RIMS2: variants seen among roughly 807,000 people sequenced by gnomAD.
RIMS2 encodes the protein regulating synaptic membrane exocytosis 2.
A neutral mutation model predicts 174.4 loss-of-function variants in RIMS2; 59 were observed. The observed-to-expected ratio is 0.34, with a 90% CI of 0.27 to 0.42. RIMS2 has a LOEUF of 0.42. Ranked by LOEUF, RIMS2 falls within the 10% of genes least tolerant of loss-of-function variation. The pLI is 1.00. For synonymous variants in RIMS2, 606 were observed against 572.5 expected, an observed-to-expected ratio of 1.06 and a Z score of -0.84; for missense variants, 1,620 against 1,666.3, an observed-to-expected ratio of 0.97 and a Z score of 0.48.
At chr8:103,614,542 T>A (rs904324194) in intron 1 of RIMS2, among the ~76,000 whole-genome samples, 2 of 152,384 alleles carry the variant, frequency 1.3e-5, no homozygotes, top group South Asian at 2.1e-4. Context: ...TGCTTTTGTG[T>A]GTGCCGATCA....
intron 3 of RIMS2, among the ~76,000 whole-genome samples, chr8:103,869,152 A>T (rs1296269038): frequency 6.6e-6 from 1 of 151,378 alleles, no homozygotes; most frequent in African/African-American, 2.4e-5. Flanking sequence ...GAGCCTGAAG[A>T]GCTACTGTTG....
chr8:103,537,372 T>C (rs2131120737), intron 1 of RIMS2, among the ~76,000 whole-genome samples: 1 of 152,340 alleles, frequency 6.6e-6, no homozygotes, highest in African/African-American at 2.4e-5. Flanking sequence ...AATTGAAAAC[T>C]TAGAATAGTT....
chr8:103,766,658 A>G, intron 3 of RIMS2, 121 bp downstream of exon 6: 2 of 672,276 alleles, frequency 3.0e-6, no homozygotes, highest in South Asian at 1.9e-5. Context: ...AAACATTCAT[A>G]TGTTTTACAT....
At chr8:104,126,054 G>A (rs1243415362) in intron 19 of RIMS2, among the ~76,000 whole-genome samples, 1 of 152,108 alleles carries the variant, frequency 6.6e-6, no homozygotes, top group African/African-American at 2.4e-5. Flanking sequence ...TGTGATTGAG[G>A]CTAGAAGGTG....
At position 104,097,884 on chromosome 8, in the gene RIMS2, T is replaced by G. The variant is rs796525608; in HGVS notation, c.3334+83269T>G. ...TTACTTTTAATGCCATTAATTTTAA[T>G]GGCAGAAGCCACAACTACTTTTACA... On this transcript the variant is annotated intron_variant, in intron 19 of 23. Transcript: ENST00000504942. 2.6e-5 allele frequency among the ~76,000 whole-genome samples: 4 copies of G among 152,144 alleles called. No homozygotes were observed. The East Asian group carries it at 7.7e-4, about 29-fold the overall frequency.
At chr8:103,522,293 T>C (rs1391093499) in intron 1 of RIMS2, among the ~76,000 whole-genome samples, 2 of 152,118 alleles carry the variant, frequency 1.3e-5, no homozygotes, top group Non-Finnish European at 2.9e-5. Context: ...TAGGTTGTCA[T>C]TATAATTAGA....
intron 19 of RIMS2, among the ~76,000 whole-genome samples, chr8:104,056,785 T>G (rs1011765223): frequency 4.6e-5 from 7 of 152,152 alleles, no homozygotes; most frequent in African/African-American, 1.7e-4. Context: ...CTTGCAAGGC[T>G]GAGGCAGGAG....
At position 104,106,786 on chromosome 8, in the gene RIMS2, C is replaced by G. The variant is rs879396558; in HGVS notation, c.3334+92171C>G. Among the ~76,000 whole-genome samples the G allele has an allele frequency of 1.2e-4, 19 of 152,148 alleles. 2 individuals carry two copies. Among genetic ancestry groups the G allele is most frequent in the Admixed American group, 1.0e-3 (16 of 15,278 alleles). On this transcript the variant is annotated intron_variant, in intron 19 of 23. Transcript: ENST00000504942. ...TGTTATTCAAACTAAATGCAGTATT[C>G]TGACCAGTGATTCCCTCATAATCAT...
intron 1 of RIMS2, among the ~76,000 whole-genome samples, chr8:103,540,906 G>C (rs1842285526): frequency 6.6e-6 from 1 of 152,032 alleles, no homozygotes; most frequent in African/African-American, 2.4e-5. Context: ...CAGCAGAGTT[G>C]ATCAAGCAGA....
At chr8:103,626,392 C>G (rs2095787098) in intron 1 of RIMS2, among the ~76,000 whole-genome samples, 1 of 152,084 alleles carries the variant, frequency 6.6e-6, no homozygotes, top group Admixed American at 6.6e-5. Flanking sequence ...AATATACTAG[C>G]AGCAGTCAAG....
chr8:103,696,862 CAAAAAA>C (rs55852238), intron 1 of RIMS2, among the ~76,000 whole-genome samples: 1 of 53,740 alleles, frequency 1.9e-5, no homozygotes, highest in Non-Finnish European at 3.5e-5. Context: ...GACTTCGTCT[CAAAAAA>C]AAAAAAAAAA....
At chr8:104,145,671 C>CAATAAATAAATAAATAAATAAATAAATA (rs61691382) in intron 19 of RIMS2, among the ~76,000 whole-genome samples, 7 of 132,678 alleles carry the variant, frequency 5.3e-5, no homozygotes, top group South Asian at 5.2e-4. Context: ...ACTAAAAATA[C>CAATAAATAAATAAATAAATAAATAAATA]AATAAATAAA....
chr8:103,926,093 G>A (rs2078721386), intron 10 of RIMS2, among the ~76,000 whole-genome samples: 1 of 151,310 alleles, frequency 6.6e-6, no homozygotes, highest in Non-Finnish European at 1.5e-5. Context: ...TGCTTTTAAA[G>A]GATTAATTTA....
intron 3 of RIMS2, among the ~76,000 whole-genome samples, chr8:103,804,374 A>C (rs1011998902): frequency 6.6e-6 from 1 of 152,198 alleles, no homozygotes; most frequent in Non-Finnish European, 1.5e-5. Flanking sequence ...ACTGGATTAC[A>C]CTTTTAAGAA....
intron 4 of RIMS2, among the ~76,000 whole-genome samples, chr8:103,894,184 A>G (rs986118116): frequency 6.6e-6 from 1 of 151,178 alleles, no homozygotes. Flanking sequence ...ATACTGTGGT[A>G]AAGTTATTTC....
At chr8:104,031,578 C>T (rs532719284) in intron 19 of RIMS2, among the ~76,000 whole-genome samples, 1 of 151,984 alleles carries the variant, frequency 6.6e-6, no homozygotes, top group Non-Finnish European at 1.5e-5. Flanking sequence ...GGAAAAATAT[C>T]CCCCAAAATC....
intron 1 of RIMS2, among the ~76,000 whole-genome samples, chr8:103,547,723 T>C (rs1301731572): frequency 6.6e-6 from 1 of 152,212 alleles, no homozygotes; most frequent in African/African-American, 2.4e-5. Flanking sequence ...ATCCAAGAGT[T>C]TGTTTTTTGG....
At chr8:104,086,266 GT>G (rs377670155) in intron 19 of RIMS2, among the ~76,000 whole-genome samples, 8,564 of 112,886 alleles carry the variant, frequency 0.076, 252 homozygotes, top group East Asian at 0.15. Flanking sequence ...GTTCTGGTGG[GT>G]TTTTTTTTTT....
At chr8:104,046,978 A>T (rs190184843) in intron 19 of RIMS2, among the ~76,000 whole-genome samples, 329 of 152,208 alleles carry the variant, frequency 2.2e-3, no homozygotes, top group Non-Finnish European at 3.6e-3. Flanking sequence ...ATATGTACGT[A>T]TAATATAAAA....
Sources: allele counts gnomAD v4.1 joint callset (sites outside exome capture counted in the v4.1 genomes callset), GRCh38; gene constraint gnomAD v4.1.1; transcripts MANE v1.5; gene names NCBI Gene and HGNC (gene_info 2026-07-23, HGNC 2026-07-21).